MARCHF1: variants seen among roughly 807,000 people sequenced by gnomAD.
The protein encoded by MARCHF1 is membrane associated ring-CH-type finger 1.
A neutral mutation model predicts 54.2 loss-of-function variants in MARCHF1; 40 were observed. The observed-to-expected ratio is 0.74, with a 90% CI of 0.57 to 0.96. The LOEUF (loss-of-function observed/expected upper bound fraction) is 0.96, where lower values mean the gene tolerates loss of function less well. Ranked by LOEUF, MARCHF1 falls within the 40% of genes least tolerant of loss-of-function variation. The probability of loss-of-function intolerance (pLI) is 0.00; values close to 1 mark genes in which losing one functional copy is unlikely to be tolerated. For missense variants in MARCHF1, 586 were observed against 656.5 expected (o/e 0.89, Z 1.17); for synonymous variants, 236 against 236.3 (o/e 1.00, Z 0.01).
chr4:163,578,599 G>A (rs75979005), intron 8 of MARCHF1, among the ~76,000 whole-genome samples: 5,784 of 152,166 alleles, frequency 0.038, 240 homozygotes, highest in South Asian at 0.1. Flanking sequence ...GAACAAAAGA[G>A]AGAAACATTA....
chr4:164,204,005 T>C (rs1480317708), intron 1 of MARCHF1, among the ~76,000 whole-genome samples: 1 of 152,226 alleles, frequency 6.6e-6, no homozygotes, highest in African/African-American at 2.4e-5. Context: ...AATTCTAAAA[T>C]TATGACTTCA....
chr4:163,562,796 C>A (rs1331189716), intron 8 of MARCHF1, among the ~76,000 whole-genome samples: 1 of 152,192 alleles, frequency 6.6e-6, no homozygotes, highest in Non-Finnish European at 1.5e-5. Flanking sequence ...TTACACATTT[C>A]TATGTTCTTC....
intron 1 of MARCHF1, among the ~76,000 whole-genome samples, chr4:164,176,142 G>C (rs1730656861): frequency 6.6e-6 from 1 of 152,088 alleles, no homozygotes; most frequent in Admixed American, 6.6e-5. Flanking sequence ...TATTAGTATG[G>C]CCTGAAAATC....
intron 7 of MARCHF1, among the ~76,000 whole-genome samples, chr4:163,609,846 T>G (rs1741274725): frequency 1.3e-5 from 2 of 152,028 alleles, no homozygotes; most frequent in Admixed American, 1.3e-4. Flanking sequence ...TCTTTGGAAC[T>G]CAAGAGATCC....
chr4:164,233,006 C>A (rs900020286), intron 1 of MARCHF1, among the ~76,000 whole-genome samples: 35 of 152,120 alleles, frequency 2.3e-4, no homozygotes, highest in African/African-American at 8.5e-4. Context: ...GCAAAACTTC[C>A]CCTGGACACC....
At chr4:163,774,183 ACTTAAAATAC>A (rs1747239648) in intron 4 of MARCHF1, among the ~76,000 whole-genome samples, 1 of 152,222 alleles carries the variant, frequency 6.6e-6, no homozygotes, top group Non-Finnish European at 1.5e-5. Flanking sequence ...TCTCCAGATT[ACTTAAAATAC>A]CTAAACAATG....
At chr4:163,557,038 C>A (rs1387579624) in intron 8 of MARCHF1, among the ~76,000 whole-genome samples, 1 of 152,038 alleles carries the variant, frequency 6.6e-6, no homozygotes, top group Non-Finnish European at 1.5e-5. Flanking sequence ...AAGTTAAAGT[C>A]CTTGCTTTAA....
chr4:163,700,987 A>G, intron 4 of MARCHF1, 124 bp from the exon 5 acceptor site: 1 of 638,572 alleles, frequency 1.6e-6, no homozygotes, highest in Non-Finnish European at 2.7e-6. Context: ...GTTTTGACTA[A>G]TACACATATT....
At chr4:163,952,940 T>C (rs1752161824) in intron 3 of MARCHF1, among the ~76,000 whole-genome samples, 2 of 152,080 alleles carry the variant, frequency 1.3e-5, no homozygotes, top group Non-Finnish European at 2.9e-5. Flanking sequence ...AGCCAATCCA[T>C]TTTCATCAGG....
intron 4 of MARCHF1, among the ~76,000 whole-genome samples, chr4:163,846,930 G>C (rs2111149399): frequency 6.6e-6 from 1 of 152,278 alleles, no homozygotes; most frequent in South Asian, 2.1e-4. Context: ...AATGGACTGA[G>C]TGAAAGCCAG....
intron 3 of MARCHF1, among the ~76,000 whole-genome samples, chr4:163,960,635 C>A (rs1056646378): frequency 6.6e-5 from 10 of 151,814 alleles, no homozygotes; most frequent in African/African-American, 2.4e-4. Flanking sequence ...AAGGGAACAA[C>A]AGACACTGGT....
chr4:164,365,878 A>G (rs1179809874), intron 1 of MARCHF1, among the ~76,000 whole-genome samples: 5 of 152,008 alleles, frequency 3.3e-5, no homozygotes, highest in African/African-American at 1.2e-4. Context: ...CTTGAGAAGA[A>G]AAATATAAGG....
intron 2 of MARCHF1, among the ~76,000 whole-genome samples, chr4:164,082,488 G>A (rs1380421355): frequency 1.3e-5 from 2 of 152,114 alleles, no homozygotes; most frequent in African/African-American, 2.4e-5. Context: ...TTTAGAAGAT[G>A]CCAACTTTAC....
At chr4:164,311,342 G>A (rs1247248530) in intron 1 of MARCHF1, among the ~76,000 whole-genome samples, 1 of 152,078 alleles carries the variant, frequency 6.6e-6, no homozygotes, top group African/African-American at 2.4e-5. Context: ...TTAGTTTTAT[G>A]AGTTACCATG....
At chr4:164,082,544 T>C (rs921546189) in intron 2 of MARCHF1, among the ~76,000 whole-genome samples, 8 of 152,192 alleles carry the variant, frequency 5.3e-5, no homozygotes, top group Admixed American at 1.3e-4. Context: ...TTTCATTTCA[T>C]TAAAAAGATT....
At chr4:163,915,537 G>A (rs1012708898) in intron 3 of MARCHF1, among the ~76,000 whole-genome samples, 1 of 152,030 alleles carries the variant, frequency 6.6e-6, no homozygotes, top group Admixed American at 6.6e-5. Flanking sequence ...TAAAAAAATT[G>A]AATAAATTGT....
At chr4:163,974,753 T>G (rs1352799314) in intron 3 of MARCHF1, among the ~76,000 whole-genome samples, 2 of 152,292 alleles carry the variant, frequency 1.3e-5, no homozygotes, top group East Asian at 3.9e-4. Context: ...CAGAAAGACC[T>G]GGTGACGGTG....
At chr4:163,926,628 T>C (rs1273761091) in intron 3 of MARCHF1, among the ~76,000 whole-genome samples, 1 of 151,708 alleles carries the variant, frequency 6.6e-6, no homozygotes, top group Non-Finnish European at 1.5e-5. Flanking sequence ...CTCTACATCC[T>C]TAAAAATACT....
rs576764919 is a variant in MARCHF1, at chr4:163,765,798, T to A, written c.112-64935A>T. Among the ~76,000 whole-genome samples the A allele has an allele frequency of 2.0e-5, 3 of 148,642 alleles. No homozygotes were observed. The East Asian group carries it at 5.9e-4, about 29-fold the overall frequency. ...TTATGGAATATTTCCTAGCTCTTCA[T>A]CTTAAAGTGATATACCGGATTATAT... On this transcript the variant is annotated intron_variant, in intron 4 of 9. Coordinates refer to ENST00000514618, the MANE Select transcript of MARCHF1 (RefSeq NM_001394959.1).
Sources: gnomAD v4.1 joint callset for allele counts (sites outside exome capture counted in the v4.1 genomes callset) on GRCh38, gnomAD v4.1.1 for gene constraint, MANE v1.5 for transcripts, NCBI Gene and HGNC (gene_info 2026-07-23, HGNC 2026-07-21) for gene names.